SCAMP4: variants seen among roughly 807,000 people sequenced by gnomAD.
SCAMP4 encodes the protein secretory carrier membrane protein 4.
A neutral mutation model predicts 32.1 loss-of-function variants in SCAMP4; 19 were observed. The ratio of observed to expected loss-of-function variants is 0.59; its 90% confidence interval spans 0.41 to 0.87. The LOEUF is 0.87. Ranked by LOEUF, SCAMP4 falls within the 40% of genes least tolerant of loss-of-function variation. The probability of loss-of-function intolerance (pLI) is 0.00; values close to 1 mark genes in which losing one functional copy is unlikely to be tolerated. For missense variants in SCAMP4, 302 were observed against 309.0 expected, an observed-to-expected ratio of 0.98 and a Z score of 0.17; for synonymous variants, 152 against 132.7, an observed-to-expected ratio of 1.15 and a Z score of -1.00.
intron 1 of SCAMP4, chr19:1,906,209 A>C (rs1262186581): frequency 6.6e-6 from 1 of 151,988 alleles, no homozygotes; most frequent in African/African-American, 2.4e-5. Context: ...AAAATACAAA[A>C]ATTAGCTGGG....
rs368637895 is a variant in SCAMP4 at position 1,918,895 on chromosome 19, C to T, written c.300C>T (p.Asp100=). ...GTTTTCTGTCCCTCCCCAGAGCCGA[C>T]AGCTCCTTTAATTTCATGGCGTTTT... is the stretch of plus-strand genomic sequence containing the variant. ...FRPVYKAFRA[D]SSFNFMAFFF... Residue 100 remains aspartate (D), a synonymous_variant, in exon 5 of 7, where the codon GAC becomes GAT. Transcript: ENST00000316097. 13 of 1,607,452 alleles carry T rather than the reference C, an allele frequency of 8.1e-6. No individual in the cohort carries two copies. The highest frequency in any genetic ancestry group is 1.0e-5 in the Non-Finnish European group (12 of 1,176,976).
At chr19:1,920,981 A>G (rs939057612) in intron 5 of SCAMP4, 3 of 985,318 alleles carry the variant, frequency 3.0e-6, no homozygotes, top group Admixed American at 1.2e-4. Context: ...GAAGCTGAGC[A>G]TGCGGTCCCT....
intron 1 of SCAMP4, chr19:1,912,473 G>T: frequency 1.3e-6 from 2 of 1,500,286 alleles, no homozygotes; most frequent in Non-Finnish European, 1.8e-6. Flanking sequence ...CCTTCCTGGT[G>T]CCCGTGCCCG....
chr19:1,911,982 C>G (rs887249199), intron 1 of SCAMP4: 8 of 1,410,618 alleles, frequency 5.7e-6, no homozygotes, highest in Non-Finnish European at 1.8e-6. Flanking sequence ...GCACGCCCTG[C>G]CTTGTGGAGC....
intron 1 of SCAMP4, chr19:1,911,831 A>C: frequency 4.5e-6 from 2 of 448,388 alleles, no homozygotes; most frequent in Non-Finnish European, 7.6e-6. Flanking sequence ...GTCTTCTGGT[A>C]GGTGAATTAT....
At position 1,908,104 on chromosome 19, in the gene SCAMP4, T is replaced by C. The variant is rs1781306926; in HGVS notation, c.-42+2665T>C. On this transcript the variant is annotated intron_variant, in intron 1 of 6. Transcript: ENST00000316097. The surrounding 1 kb of genome is among the most constrained non-coding windows in gnomAD (Gnocchi z 4.2). ...TTTACCCTGGAGACAGTGGAGTGTTTGTGGCCTAGCAGGGCCGTGCGGGCC... is the reference window on the plus strand; with the variant it reads ...TTTACCCTGGAGACAGTGGAGTGTTCGTGGCCTAGCAGGGCCGTGCGGGCC... 1 of 205,002 alleles carries C rather than the reference T, an allele frequency of 4.9e-6. No homozygotes were observed. The highest frequency in any genetic ancestry group is 1.0e-5 in the Non-Finnish European group (1 of 99,750). The allele number at this position is 205,002 out of a possible 1,614,324, so 12.7% of individuals were successfully genotyped here.
At position 1,920,240 on chromosome 19, in the gene SCAMP4, G is replaced by A. The variant is rs12608921; in HGVS notation, c.395+1250G>A. ...CCTTGGCACGGCGGGAGCTCCCCAC[G>A]GGTGACGCTGCTCACGGAGCCGTGG... is the stretch of plus-strand genomic sequence containing the variant. On this transcript the variant is annotated intron_variant, in intron 5 of 6. Transcript: ENST00000316097. 0.02 allele frequency: 19,672 copies of A among 985,390 alleles called. 725 individuals are homozygous for A. In the East Asian group the frequency reaches 0.26, roughly 13 times the overall value. 61.0% of individuals were successfully genotyped at this position (985,390 alleles called of 1,614,324 possible).
intron 5 of SCAMP4, chr19:1,922,096 C>T (rs577245523): frequency 3.0e-6 from 3 of 985,450 alleles, no homozygotes; most frequent in Non-Finnish European, 3.6e-6. Flanking sequence ...ATTTTAAACC[C>T]TGTGGTTTCA....
intron 1 of SCAMP4, among the ~76,000 whole-genome samples, chr19:1,911,006 G>T (rs2013414762): frequency 6.6e-6 from 1 of 152,064 alleles, no homozygotes; most frequent in South Asian, 2.1e-4. Context: ...CTCCCTAGTA[G>T]CTGGGACTAC....
intron 5 of SCAMP4, chr19:1,922,656 C>G: frequency 1.0e-6 from 1 of 987,516 alleles, no homozygotes; most frequent in Non-Finnish European, 1.2e-6. Flanking sequence ...ACACAGTTGC[C>G]GTAGGCTGGG....
chr19:1,918,356 A>G, intron 4 of SCAMP4, 73 bp downstream of exon 4: 1 of 1,396,688 alleles, frequency 7.2e-7, no homozygotes, highest in Non-Finnish European at 9.5e-7. Context: ...GTCCCAGCCC[A>G]GCTGTGAGGA....
chr19:1,918,792 C>T (rs1313424078), intron 4 of SCAMP4, 97 bp from the exon 5 acceptor site: 15 of 1,496,130 alleles, frequency 1.0e-5, no homozygotes, highest in African/African-American at 8.5e-5. Context: ...AAAATAGAGC[C>T]TCCGCTCTCA....
At chr19:1,921,458 C>A in intron 5 of SCAMP4, 1 of 985,382 alleles carries the variant, frequency 1.0e-6, no homozygotes, top group South Asian at 4.7e-5. Context: ...CAGGGGCCCC[C>A]GGTGGGCCCC....
At chr19:1,909,171 C>T (rs1264958472) in intron 1 of SCAMP4, among the ~76,000 whole-genome samples, 13 of 149,418 alleles carry the variant, frequency 8.7e-5, no homozygotes, top group South Asian at 2.1e-4. Context: ...GCCTGCGGTG[C>T]GAGTCTGTGG....
Position 1,917,167 on chromosome 19 carries a change from G to A in SCAMP4, c.8-527G>A, listed in dbSNP as rs57771706. Among the ~76,000 whole-genome samples, 1,091 of 152,304 alleles carry A rather than the reference G, an allele frequency of 7.2e-3. 11 individuals are homozygous for A. Among genetic ancestry groups the A allele is most frequent in the African/African-American group, 0.025 (1,051 of 41,566 alleles). Reference sequence around the variant, plus strand: ...AGAAAAATCCAAAAATTAGCCGGGTGTGGTGGTGGGCGCCTGTAATCCCAG... The same window carrying A: ...AGAAAAATCCAAAAATTAGCCGGGTATGGTGGTGGGCGCCTGTAATCCCAG... On this transcript the variant is annotated intron_variant, in intron 2 of 6. Transcript: ENST00000316097.
chr19:1,919,299 C>G (rs1010333677), intron 5 of SCAMP4: 3 of 1,212,844 alleles, frequency 2.5e-6, no homozygotes, highest in African/African-American at 3.1e-5. Context: ...ACACCCCTGA[C>G]CCGGGGTCTG....
At chr19:1,910,260 G>A (rs146624364) in intron 1 of SCAMP4, among the ~76,000 whole-genome samples, 243 of 152,350 alleles carry the variant, frequency 1.6e-3, no homozygotes, top group Admixed American at 3.0e-3. Context: ...TGCAACTCAC[G>A]CAGGCGTTGG....
chr19:1,921,062 C>G (rs569455501), intron 5 of SCAMP4: 5 of 985,436 alleles, frequency 5.1e-6, no homozygotes, highest in East Asian at 1.1e-4. Flanking sequence ...CCCGGCCCCC[C>G]TTGTAATGAG....
rs950688403 is a variant in SCAMP4 at position 1,908,297 on chromosome 19, G to A, written c.-42+2858G>A. 1.2e-5 allele frequency: 4 copies of A among 326,258 alleles called. 1 individual carries two copies. Among genetic ancestry groups the A allele is most frequent in the South Asian group, 4.5e-5 (2 of 44,240 alleles). The allele number at this position is 326,258 out of a possible 1,614,324, so 20.2% of individuals were successfully genotyped here. A position where few individuals can be genotyped will look rare whatever the true frequency, so the allele number is the denominator to read the frequency against. On this transcript the variant is annotated intron_variant, in intron 1 of 6. Transcript: ENST00000316097. This position sits in a 1 kb window ranked among gnomAD's most constrained non-coding sequence, Gnocchi z 4.2. ...TCCGGTTCTGTGCTTTGTTGAACGC[G>A]TGAGCTTCGGGCAGCGCTGGGGCCG...
Sources: allele counts gnomAD v4.1 joint callset (sites outside exome capture counted in the v4.1 genomes callset), GRCh38; gene constraint gnomAD v4.1.1; non-coding constraint Gnocchi (gnomAD v3.1); transcripts MANE v1.5; gene names NCBI Gene and HGNC (gene_info 2026-07-23, HGNC 2026-07-21).